Variants in EIPR1 observed in about 807,000 individuals in gnomAD.
EIPR1 encodes the protein EARP and GARP complex-interacting protein 1.
In EIPR1, 25 loss-of-function variants were observed where a neutral mutation model predicts 48.1. The observed-to-expected ratio is 0.52, with a 90% confidence interval of 0.38 to 0.73. The LOEUF (loss-of-function observed/expected upper bound fraction) is 0.73. EIPR1 is among the 30% of genes least tolerant of loss of function. EIPR1 has a pLI of 0.00. For synonymous variants in EIPR1, 204 were observed against 201.9 expected (o/e 1.01, Z -0.09); for missense variants, 415 against 506.2 (o/e 0.82, Z 1.73).
At chr2:3,268,781 G>A (rs1040316898) in intron 3 of EIPR1, among the ~76,000 whole-genome samples, 7 of 152,296 alleles carry the variant, frequency 4.6e-5, no homozygotes, top group Admixed American at 6.5e-5. Context: ...CCCTTGGCTC[G>A]GAGAGGCTTC....
At chr2:3,318,184 GC>G (rs1373489280) in intron 3 of EIPR1, among the ~76,000 whole-genome samples, 8 of 152,248 alleles carry the variant, frequency 5.3e-5, no homozygotes, top group Non-Finnish European at 1.2e-4. Flanking sequence ...CCGCAGAAGA[GC>G]GCAGCACACC....
At chr2:3,206,020 T>C (rs1665223024) in intron 5 of EIPR1, among the ~76,000 whole-genome samples, 1 of 152,208 alleles carries the variant, frequency 6.6e-6, no homozygotes, top group Non-Finnish European at 1.5e-5. Context: ...ACACTGATGC[T>C]GCCTTCTGGA....
chr2:3,327,156 C>T (rs921416178), intron 3 of EIPR1, among the ~76,000 whole-genome samples: 1 of 152,164 alleles, frequency 6.6e-6, no homozygotes, highest in African/African-American at 2.4e-5. Flanking sequence ...CTTCAGGAGG[C>T]GGTGGATATG....
chr2:3,370,196 A>C (rs1456758173), intron 1 of EIPR1, among the ~76,000 whole-genome samples: 2 of 152,208 alleles, frequency 1.3e-5, no homozygotes, highest in Non-Finnish European at 2.9e-5. Context: ...TTAGAAGGAA[A>C]ACTAACAAAC....
rs748696164 is a variant in EIPR1, at chr2:3,377,738, G to A, written c.-49C>T. The A allele has an allele frequency of 1.8e-5, 28 of 1,549,460 alleles. No individual in the cohort carries two copies. In the South Asian group the frequency reaches 3.2e-4, roughly 18 times the overall value. ...CGGCCACTCACACGCTAAGGACCTCGCTACGGCCGGCGCGTCCCCACCTCG... is the reference window on the plus strand; with the variant it reads ...CGGCCACTCACACGCTAAGGACCTCACTACGGCCGGCGCGTCCCCACCTCG... On this transcript the variant is annotated 5_prime_UTR_variant, in exon 1 of 9. Transcript: ENST00000382125.
chr2:3,330,642 C>T (rs1166724126), intron 3 of EIPR1, among the ~76,000 whole-genome samples: 1 of 151,494 alleles, frequency 6.6e-6, no homozygotes, highest in Admixed American at 6.6e-5. Context: ...AGCACACACT[C>T]ATAAGACAGT....
intron 3 of EIPR1, among the ~76,000 whole-genome samples, chr2:3,267,888 C>T (rs1667540349): frequency 6.6e-6 from 1 of 152,248 alleles, no homozygotes; most frequent in South Asian, 2.1e-4. Flanking sequence ...GCTCCATCTA[C>T]CTGTGCCAGT....
chr2:3,209,111 G>A (rs1329864229), intron 5 of EIPR1, among the ~76,000 whole-genome samples: 2 of 152,148 alleles, frequency 1.3e-5, no homozygotes, highest in East Asian at 1.9e-4. Context: ...TAAGCACAAC[G>A]AAAGCCTGGA....
At chr2:3,287,653 C>T (rs1181504064) in intron 3 of EIPR1, among the ~76,000 whole-genome samples, 3 of 150,338 alleles carry the variant, frequency 2.0e-5, no homozygotes, top group East Asian at 2.0e-4. Flanking sequence ...CCGGAAAGCT[C>T]GTTCACCACA....
At chr2:3,208,556 T>C in intron 5 of EIPR1, 1 of 1,549,516 alleles carries the variant, frequency 6.5e-7, no homozygotes, top group Non-Finnish European at 8.7e-7. Context: ...GAAATGACCA[T>C]TTGTTGGGAA....
intron 3 of EIPR1, among the ~76,000 whole-genome samples, chr2:3,306,132 A>G (rs1668936778): frequency 6.6e-6 from 1 of 152,238 alleles, no homozygotes; most frequent in African/African-American, 2.4e-5. Context: ...AGACGCATTC[A>G]GCCTGAGGGA....
intron 3 of EIPR1, among the ~76,000 whole-genome samples, chr2:3,283,773 ATC>A (rs887926878): frequency 4.6e-5 from 7 of 152,038 alleles, no homozygotes; most frequent in Admixed American, 3.3e-4. Context: ...GTGAAATCCC[ATC>A]TCTACTAAAA....
Position 3,257,327 on chromosome 2 carries a change from C to T in EIPR1, c.388G>A (p.Asp130Asn). The T allele has an allele frequency of 6.2e-7, 1 of 1,614,016 alleles. No homozygotes were observed. Among genetic ancestry groups the T allele is most frequent in the South Asian group, 1.1e-5 (1 of 91,070 alleles). The change falls in exon 4 of 9, where the codon GAC becomes AAC. Residue 130 changes from aspartate (D) to asparagine (N), a missense_variant. Physicochemically the swap from Asp to Asn is conservative, Grantham distance 23. Coordinates refer to ENST00000382125, the MANE Select transcript of EIPR1 (RefSeq NM_003310.5). ...GCCATGTTGCCATGGGCTGTGTTGT[C>T]AAGGTGACAGAGCAGCTCCAGGGTC... Reference protein sequence around the residue: ...AQTLELLCHLDNTAHGNMACV... With the variant: ...AQTLELLCHLNNTAHGNMACV...
chr2:3,192,173 A>G (rs1664627955), intron 8 of EIPR1, among the ~76,000 whole-genome samples: 1 of 152,246 alleles, frequency 6.6e-6, no homozygotes, highest in Admixed American at 6.5e-5. Context: ...ATAAGAATAC[A>G]AACACAAATA....
At chr2:3,276,212 C>T (rs1667844164) in intron 3 of EIPR1, among the ~76,000 whole-genome samples, 1 of 152,174 alleles carries the variant, frequency 6.6e-6, no homozygotes, top group Admixed American at 6.5e-5. Context: ...CTGTTTACTT[C>T]CTTGCTGTTG....
chr2:3,294,485 TA>T (rs1668469385), intron 3 of EIPR1, among the ~76,000 whole-genome samples: 3 of 100,002 alleles, frequency 3.0e-5, no homozygotes, highest in South Asian at 7.9e-4. Flanking sequence ...CCATCCTCCC[TA>T]CACACACACA....
intron 3 of EIPR1, among the ~76,000 whole-genome samples, chr2:3,302,153 T>C (rs1188399525): frequency 6.6e-6 from 1 of 152,160 alleles, no homozygotes; most frequent in Non-Finnish European, 1.5e-5. Flanking sequence ...TCCAGCCACC[T>C]GAAAACTTTC....
chr2:3,191,131 G>C (rs2103100925), intron 8 of EIPR1, among the ~76,000 whole-genome samples: 1 of 152,346 alleles, frequency 6.6e-6, no homozygotes, highest in Admixed American at 6.5e-5. Flanking sequence ...AGAGTCAAGA[G>C]ACAAACAGAT....
rs193222145 is a variant in EIPR1 at position 3,262,720 on chromosome 2, A to G, written c.260-5265T>C. Among the ~76,000 whole-genome samples, 578 of 152,354 alleles carry G rather than the reference A, an allele frequency of 3.8e-3. 1 individual carries two copies. The highest frequency in any genetic ancestry group is 5.4e-3 in the Non-Finnish European group (370 of 68,034). On this transcript the variant is annotated intron_variant, in intron 3 of 8. Coordinates refer to ENST00000382125, the MANE Select transcript of EIPR1 (RefSeq NM_003310.5). ...TGGTCCCGGGGTTCTGGAGCAAGCCATGCCATCTGCAGCACAGAACCATGT... is the reference window on the plus strand; with the variant it reads ...TGGTCCCGGGGTTCTGGAGCAAGCCGTGCCATCTGCAGCACAGAACCATGT...
Sources: allele counts gnomAD v4.1 joint callset (sites outside exome capture counted in the v4.1 genomes callset), GRCh38; gene constraint gnomAD v4.1.1; transcripts MANE v1.5; gene names NCBI Gene and HGNC (gene_info 2026-07-23, HGNC 2026-07-21).